Variants in TMEM132D observed in about 807,000 individuals in gnomAD.
The protein encoded by TMEM132D is transmembrane protein 132D.
In TMEM132D, 21 loss-of-function variants were observed where a neutral mutation model predicts 62.3. The ratio of observed to expected loss-of-function variants is 0.34; its 90% confidence interval spans 0.24 to 0.49. TMEM132D has a LOEUF of 0.49. Ranked by LOEUF, TMEM132D falls within the 20% of genes least tolerant of loss-of-function variation. TMEM132D has a pLI of 0.99. For synonymous variants in TMEM132D, 621 were observed against 575.6 expected, an observed-to-expected ratio of 1.08 and a Z score of -1.13; for missense variants, 1,346 against 1,402.8, an observed-to-expected ratio of 0.96 and a Z score of 0.65.
At chr12:129,158,348 T>A (rs1877303540) in intron 5 of TMEM132D, among the ~76,000 whole-genome samples, 1 of 152,134 alleles carries the variant, frequency 6.6e-6, no homozygotes, top group South Asian at 2.1e-4. Flanking sequence ...TCCTTTTTCC[T>A]GAAATGGAAA....
chr12:129,264,284 G>A (rs1319338379), intron 4 of TMEM132D, among the ~76,000 whole-genome samples: 1 of 152,184 alleles, frequency 6.6e-6, no homozygotes, highest in Non-Finnish European at 1.5e-5. Flanking sequence ...ACCCACTTGG[G>A]AGGCTGATGC....
At chr12:129,624,445 C>A (rs1369487926) in intron 2 of TMEM132D, among the ~76,000 whole-genome samples, 1 of 152,196 alleles carries the variant, frequency 6.6e-6, no homozygotes, top group Non-Finnish European at 1.5e-5. Flanking sequence ...CCAGTGAGGG[C>A]CAATGAGTCA....
At chr12:129,082,125 T>C (rs1593253570) in intron 6 of TMEM132D, 93 bp from the exon 7 acceptor site, 2 of 1,470,810 alleles carry the variant, frequency 1.4e-6, no homozygotes, top group Non-Finnish European at 1.8e-6. Flanking sequence ...CAGAGGTAGG[T>C]AGGCCATGAG....
At chr12:129,879,557 AAG>A (rs1372028419) in intron 1 of TMEM132D, among the ~76,000 whole-genome samples, 1 of 152,212 alleles carries the variant, frequency 6.6e-6, no homozygotes, top group African/African-American at 2.4e-5. Context: ...CAGCAGGAGG[AAG>A]AGACTCCAGG....
intron 2 of TMEM132D, among the ~76,000 whole-genome samples, chr12:129,638,264 A>G (rs1879539303): frequency 6.6e-6 from 1 of 152,142 alleles, no homozygotes; most frequent in African/African-American, 2.4e-5. Context: ...ACCATATCAC[A>G]TGGGAAGCCC....
At chr12:129,852,479 G>C (rs1370506778) in intron 1 of TMEM132D, 1 of 152,150 alleles carries the variant, frequency 6.6e-6, no homozygotes, top group Non-Finnish European at 1.5e-5. Context: ...GGCAGGTTGA[G>C]GCTGAAGTGA....
chr12:129,231,577 CATT>C (rs898198078), intron 4 of TMEM132D, among the ~76,000 whole-genome samples: 2 of 152,152 alleles, frequency 1.3e-5, no homozygotes, highest in Admixed American at 6.5e-5. Flanking sequence ...TGTGATACAT[CATT>C]ATTATTTTTT....
chr12:129,745,765 T>G (rs1869756452), intron 1 of TMEM132D, among the ~76,000 whole-genome samples: 1 of 152,192 alleles, frequency 6.6e-6, no homozygotes, highest in South Asian at 2.1e-4. Flanking sequence ...AACATGATAT[T>G]TGCTAAATAC....
chr12:129,147,486 T>C (rs141937430), intron 5 of TMEM132D, among the ~76,000 whole-genome samples: 1 of 152,160 alleles, frequency 6.6e-6, no homozygotes, highest in Non-Finnish European at 1.5e-5. Context: ...AGTATAGTTA[T>C]TAAATTCGGT....
chr12:129,492,665 G>A (rs949688175), intron 3 of TMEM132D, among the ~76,000 whole-genome samples: 1 of 152,090 alleles, frequency 6.6e-6, no homozygotes, highest in African/African-American at 2.4e-5. Flanking sequence ...AATGCTCCTG[G>A]TTGAGTTTTG....
chr12:129,638,797 T>C (rs958229393), intron 2 of TMEM132D, among the ~76,000 whole-genome samples: 1 of 152,000 alleles, frequency 6.6e-6, no homozygotes, highest in African/African-American at 2.4e-5. Flanking sequence ...TCAGGTCCAA[T>C]GCTGTAAGCA....
At chr12:129,435,363 A>C (rs1011715332) in intron 3 of TMEM132D, among the ~76,000 whole-genome samples, 3 of 152,186 alleles carry the variant, frequency 2.0e-5, no homozygotes, top group South Asian at 2.1e-4. Context: ...TCTTACGGGC[A>C]TACCATTTTT....
At chr12:129,809,898 C>T (rs1467229420) in intron 1 of TMEM132D, among the ~76,000 whole-genome samples, 3 of 152,004 alleles carry the variant, frequency 2.0e-5, no homozygotes, top group Admixed American at 6.6e-5. Flanking sequence ...AGAAATATTT[C>T]TAGGAAACTG....
intron 5 of TMEM132D, among the ~76,000 whole-genome samples, chr12:129,201,289 T>C (rs559608914): frequency 5.9e-5 from 9 of 152,276 alleles, no homozygotes; most frequent in South Asian, 2.1e-4. Flanking sequence ...GTGTGTGCAG[T>C]GTGGCTGGCT....
At chr12:129,536,670 C>G (rs2137093802) in intron 2 of TMEM132D, among the ~76,000 whole-genome samples, 1 of 152,288 alleles carries the variant, frequency 6.6e-6, no homozygotes, top group South Asian at 2.1e-4. Flanking sequence ...TCATGTCCCA[C>G]TTTTCACTTT....
At chr12:129,649,852 G>C (rs1223148328) in intron 2 of TMEM132D, among the ~76,000 whole-genome samples, 1 of 146,618 alleles carries the variant, frequency 6.8e-6, no homozygotes, top group Non-Finnish European at 1.5e-5. Flanking sequence ...TTGTATGTTT[G>C]TATATGTGTA....
intron 1 of TMEM132D, among the ~76,000 whole-genome samples, chr12:129,796,716 C>A (rs1356024745): frequency 6.6e-6 from 1 of 152,018 alleles, no homozygotes; most frequent in Non-Finnish European, 1.5e-5. Flanking sequence ...ACATCACACA[C>A]CAGGGCCTGT....
chr12:129,200,729 T>C (rs1878682451), intron 5 of TMEM132D, among the ~76,000 whole-genome samples: 1 of 152,076 alleles, frequency 6.6e-6, no homozygotes, highest in African/African-American at 2.4e-5. Context: ...TCTCCACCAC[T>C]CTCCTCTCCT....
At chr12:129,368,516 C>A (rs1338512398) in intron 3 of TMEM132D, among the ~76,000 whole-genome samples, 1 of 152,090 alleles carries the variant, frequency 6.6e-6, no homozygotes, top group Non-Finnish European at 1.5e-5. Flanking sequence ...GAGTCTCTCT[C>A]CCTCTCTCCC....
Sources: allele counts gnomAD v4.1 joint callset (sites outside exome capture counted in the v4.1 genomes callset), GRCh38; gene constraint gnomAD v4.1.1; transcripts MANE v1.5; gene names NCBI Gene and HGNC (gene_info 2026-07-23, HGNC 2026-07-21).